ZFP64: variants seen among roughly 807,000 people sequenced by gnomAD.
The protein encoded by ZFP64 is zinc finger protein 64.
Under a neutral mutation model 51.6 loss-of-function variants are expected in ZFP64, and 14 were observed. That is an observed-to-expected ratio of 0.27 (90% CI 0.18 to 0.42). The LOEUF is 0.42. Among genes scored for constraint, ZFP64 ranks in the 10% least tolerant of loss-of-function variants. The pLI is 1.00. For missense variants in ZFP64, 754 were observed against 906.8 expected (o/e 0.83, Z 2.16); for synonymous variants, 375 against 361.4 (o/e 1.04, Z -0.43).
At chr20:52,121,288 A>G (rs986172158) in intron 5 of ZFP64, among the ~76,000 whole-genome samples, 2 of 152,230 alleles carry the variant, frequency 1.3e-5, no homozygotes, top group Admixed American at 1.3e-4. Flanking sequence ...AAGCCAAGGC[A>G]GGCTGAAAGC....
rs571094895 is a variant in ZFP64 at position 52,137,309 on chromosome 20, C to T, written c.763+22814G>A. ...AATGAGCCACTGCCTTGCTTTTTTTCCTGGTAACACCATCATTTTGTCTCA... is the reference window on the plus strand; with the variant it reads ...AATGAGCCACTGCCTTGCTTTTTTTTCTGGTAACACCATCATTTTGTCTCA... On this transcript the variant is annotated intron_variant, in intron 5 of 8. Coordinates refer to the ZFP64 transcript ENST00000361387. Among the ~76,000 whole-genome samples, 131 of 152,164 alleles carry T rather than the reference C, an allele frequency of 8.6e-4. 2 individuals carry two copies. In the Middle Eastern group the frequency reaches 0.017, roughly 20 times the overall value.
intron 2 of ZFP64, among the ~76,000 whole-genome samples, chr20:52,171,393 G>A (rs1982708699): frequency 1.3e-5 from 2 of 151,826 alleles, no homozygotes; most frequent in South Asian, 2.1e-4. Context: ...CTGTGTATGC[G>A]TATGCGTATG....
intron 2 of ZFP64, among the ~76,000 whole-genome samples, chr20:52,185,978 A>C (rs957039611): frequency 2.0e-5 from 3 of 152,158 alleles, no homozygotes; most frequent in African/African-American, 4.8e-5. Context: ...TTTTTCCCCA[A>C]GTTGATTGTC....
At chr20:52,117,761 T>A (rs1251151545) in intron 5 of ZFP64, 4 of 430,126 alleles carry the variant, frequency 9.3e-6, no homozygotes, top group African/African-American at 6.2e-5. Context: ...AATGCCAAGC[T>A]ATACCATTAT....
At chr20:52,119,508 T>G (rs1157276943) in intron 5 of ZFP64, among the ~76,000 whole-genome samples, 17 of 105,878 alleles carry the variant, frequency 1.6e-4, no homozygotes, top group Non-Finnish European at 2.9e-4. Context: ...GGAAACAGAG[T>G]GAGACTTCAT....
chr20:52,118,704 G>A (rs1296690014), intron 5 of ZFP64, among the ~76,000 whole-genome samples: 1 of 152,250 alleles, frequency 6.6e-6, no homozygotes, highest in Non-Finnish European at 1.5e-5. Context: ...AAGTTGCAGA[G>A]CAATCAGGAG....
At chr20:52,102,318 G>A (rs1391655800) in intron 5 of ZFP64, among the ~76,000 whole-genome samples, 1 of 152,042 alleles carries the variant, frequency 6.6e-6, no homozygotes, top group Non-Finnish European at 1.5e-5. Context: ...CTCCCATTTG[G>A]AGTTCCTGAT....
chr20:52,176,505 C>CTTTTTTTTTTTTTTTTTTTTTTTTT (rs557663780), intron 2 of ZFP64, among the ~76,000 whole-genome samples: 1 of 136,724 alleles, frequency 7.3e-6, no homozygotes, highest in African/African-American at 2.8e-5. Context: ...TTCAATCTCT[C>CTTTTTTTTTTTTTTTTTTTTTTTTT]TTTTTTTTTT....
At chr20:52,089,178 A>AG (rs1350648770) in intron 7 of ZFP64, 9 of 367,066 alleles carry the variant, frequency 2.5e-5, no homozygotes, top group African/African-American at 1.9e-4. Context: ...ACTACCCCCT[A>AG]GCCCAACCCT....
intron 5 of ZFP64, chr20:52,105,188 G>A (rs758418757): frequency 5.6e-6 from 8 of 1,435,212 alleles, no homozygotes; most frequent in Middle Eastern, 1.8e-4. Flanking sequence ...CGCAGGCCGC[G>A]GCTCCTCGGA....
At chr20:52,142,418 A>ACACACACACACACACAC (rs1980318831) in intron 5 of ZFP64, among the ~76,000 whole-genome samples, 2 of 149,428 alleles carry the variant, frequency 1.3e-5, no homozygotes, top group African/African-American at 2.5e-5. Flanking sequence ...ACACACACAC[A>ACACACACACACACACAC]AATTGCTTAA....
At chr20:52,097,524 G>A (rs1217175033) in intron 6 of ZFP64, 115 of 1,230,638 alleles carry the variant, frequency 9.3e-5, no homozygotes, top group East Asian at 2.6e-4. Context: ...GCTCCATCTC[G>A]GCTCACTGCA....
chr20:52,108,800 C>A (rs1978391316), intron 5 of ZFP64, among the ~76,000 whole-genome samples: 1 of 151,240 alleles, frequency 6.6e-6, no homozygotes, highest in Non-Finnish European at 1.5e-5. Context: ...TGAGCCACTG[C>A]GCCCGGCCAT....
At chr20:52,171,636 C>T (rs544429161) in intron 2 of ZFP64, among the ~76,000 whole-genome samples, 7 of 152,116 alleles carry the variant, frequency 4.6e-5, no homozygotes, top group African/African-American at 1.7e-4. Flanking sequence ...ATTACAGGCA[C>T]ACACCACCAC....
chr20:52,171,701 G>A (rs9680002), intron 2 of ZFP64, among the ~76,000 whole-genome samples: 3,325 of 151,056 alleles, frequency 0.022, 49 homozygotes, highest in African/African-American at 0.035. Context: ...TGTTGGCCAG[G>A]CTGTTCTCAA....
chr20:52,191,568 A>C lies in ZFP64; in HGVS notation c.46+23T>G, dbSNP rs778656881. ...GCGCGCACTGGGCCCCGGAGCGCGCACTGCTCCCGGAAAAGCACTTACTTT... is the reference window on the plus strand; with the variant it reads ...GCGCGCACTGGGCCCCGGAGCGCGCCCTGCTCCCGGAAAAGCACTTACTTT... On this transcript the variant is annotated intron_variant, in intron 1 of 5. Coordinates refer to ENST00000216923, the MANE Select transcript of ZFP64 (RefSeq NM_018197.3). This position sits in a 1 kb window ranked among gnomAD's most constrained non-coding sequence, Gnocchi z 4.3. 2 of 1,566,576 alleles carry C rather than the reference A, an allele frequency of 1.3e-6. No individual in the cohort carries two copies. The highest frequency in any genetic ancestry group is 2.3e-5 in the South Asian group (2 of 85,588).
intron 5 of ZFP64, among the ~76,000 whole-genome samples, chr20:52,103,838 G>A (rs960473540): frequency 6.6e-6 from 1 of 152,186 alleles, no homozygotes; most frequent in African/African-American, 2.4e-5. Flanking sequence ...AGCTCCACTC[G>A]AGCAAGCTTT....
chr20:52,100,949 C>T (rs2079043711), intron 5 of ZFP64, among the ~76,000 whole-genome samples: 2 of 152,172 alleles, frequency 1.3e-5, no homozygotes, highest in Admixed American at 1.3e-4. Context: ...AGCAGTTGTG[C>T]TCGAAGCCCC....
chr20:52,127,703 G>C (rs1979513864), intron 5 of ZFP64, among the ~76,000 whole-genome samples: 1 of 152,178 alleles, frequency 6.6e-6, no homozygotes, highest in Non-Finnish European at 1.5e-5. Context: ...CAGGAAGCAA[G>C]ACAAGAAGAC....
Sources: gnomAD v4.1 joint callset for allele counts (sites outside exome capture counted in the v4.1 genomes callset) on GRCh38, gnomAD v4.1.1 for gene constraint, Gnocchi (gnomAD v3.1) non-coding constraint, MANE v1.5 for transcripts, NCBI Gene and HGNC (gene_info 2026-07-23, HGNC 2026-07-21) for gene names.